PMM2: variants seen among roughly 807,000 people sequenced by gnomAD.
The protein encoded by PMM2 is mannose-6-phosphate isomerase.
In PMM2, 35 loss-of-function variants were observed where a neutral mutation model predicts 33.2. The ratio of observed to expected loss-of-function variants is 1.06; its 90% CI spans 0.81 to 1.40. The LOEUF is 1.40. Among genes scored for constraint, PMM2 ranks in the 40% most tolerant of loss-of-function variants. The pLI, the probability that PMM2 is intolerant of heterozygous loss-of-function variation, is 0.00. For synonymous variants in PMM2, 153 were observed against 114.7 expected (o/e 1.33, Z -2.13); for missense variants, 386 against 306.0 (o/e 1.26, Z -1.95).
Position 8,806,339 on chromosome 16 carries a change from G to A in PMM2, c.279G>A (p.Glu93=), listed in dbSNP as rs781151708. ...AGAATATTCAAAGTCATCTGGGTGA[G>A]GCCCTAATCCAAGATTTAATCAACT... The part of the protein sequence containing the change: ...CRQNIQSHLG[E]ALIQDLINYC... The change falls in exon 4 of 8, where the codon GAG becomes GAA. Residue 93 remains glutamate, a synonymous_variant. Coordinates refer to ENST00000268261, the MANE Select transcript of PMM2 (RefSeq NM_000303.3). The A allele has an allele frequency of 3.1e-6, 5 of 1,608,624 alleles. No individual in the cohort carries two copies. The African/African-American group carries it at 6.7e-5, about 22-fold the overall frequency.
At chr16:8,847,267 C>T (rs536579976) in intron 7 of PMM2, among the ~76,000 whole-genome samples, 10 of 152,162 alleles carry the variant, frequency 6.6e-5, no homozygotes, top group East Asian at 1.9e-4. Context: ...CTGCCATCAC[C>T]GCTGATGTCG....
intron 7 of PMM2, among the ~76,000 whole-genome samples, chr16:8,818,145 G>A (rs1050070952): frequency 2.2e-4 from 34 of 152,120 alleles, no homozygotes; most frequent in African/African-American, 7.5e-4. Context: ...CTCGTGATCC[G>A]TCCGCCTCGG....
At chr16:8,801,957 A>G in intron 2 of PMM2, 47 bp downstream of exon 2, 1 of 1,308,840 alleles carries the variant, frequency 7.6e-7, no homozygotes, top group Non-Finnish European at 1.1e-6. Flanking sequence ...TTAACTTCTT[A>G]TGAGGATATT....
intron 1 of PMM2, among the ~76,000 whole-genome samples, chr16:8,800,360 C>CAAAAAAAAAAAAAAAAA (rs5815496): frequency 7.8e-6 from 1 of 128,402 alleles, no homozygotes; most frequent in Non-Finnish European, 1.7e-5. Flanking sequence ...GACTTCGTGT[C>CAAAAAAAAAAAAAAAAA]AAAAAAAAAA....
At chr16:8,825,278 A>G (rs2060760345) in intron 7 of PMM2, among the ~76,000 whole-genome samples, 2 of 151,664 alleles carry the variant, frequency 1.3e-5, no homozygotes, top group Admixed American at 1.3e-4. Context: ...TGATCCACCC[A>G]CCTCGGCCTC....
At chr16:8,847,675 C>T in intron 7 of PMM2, 49 bp from the exon 8 acceptor site, 2 of 1,402,762 alleles carry the variant, frequency 1.4e-6, no homozygotes, top group South Asian at 1.2e-5. Flanking sequence ...TCAGCAATGG[C>T]CCGGGACAGA....
At chr16:8,798,518 T>C (rs1166022652) in intron 1 of PMM2, among the ~76,000 whole-genome samples, 3 of 152,156 alleles carry the variant, frequency 2.0e-5, no homozygotes, top group Non-Finnish European at 4.4e-5. Flanking sequence ...TTCTTGAAAG[T>C]ATGTTGGACA....
intron 4 of PMM2, 38 bp from the exon 5 acceptor site, chr16:8,811,041 G>C: frequency 8.1e-7 from 1 of 1,231,872 alleles, no homozygotes; most frequent in Non-Finnish European, 1.2e-6. Flanking sequence ...AATGAATAAC[G>C]TGTTTTTGGA....
At chr16:8,802,053 C>G in intron 2 of PMM2, 143 bp downstream of exon 2, 1 of 654,124 alleles carries the variant, frequency 1.5e-6, no homozygotes, top group East Asian at 3.1e-5. Flanking sequence ...TTTTCTTGGC[C>G]TTTGCTTTTC....
Position 8,847,924 on chromosome 16 carries a change from G to A in PMM2, c.*99G>A. ...TCCCACACGTGCTCACCCACCCGCA[G>A]CCTAGGCAGGCTCTGCATGCTATGC... On this transcript the variant is annotated 3_prime_UTR_variant, in exon 8 of 8. Coordinates refer to ENST00000268261, the MANE Select transcript of PMM2 (RefSeq NM_000303.3). 4.8e-6 allele frequency: 4 copies of A among 834,082 alleles called. No homozygotes were observed. The highest frequency in any genetic ancestry group is 8.0e-6 in the Non-Finnish European group (4 of 501,088). 51.7% of individuals were successfully genotyped at this position (834,082 alleles called of 1,614,324 possible).
chr16:8,843,583 C>A (rs2172164), intron 7 of PMM2, among the ~76,000 whole-genome samples: 1 of 151,730 alleles, frequency 6.6e-6, no homozygotes, highest in Non-Finnish European at 1.5e-5. Flanking sequence ...AACGCCTGGC[C>A]GCTGCGGTTC....
chr16:8,804,710 TAAA>T, intron 2 of PMM2, 54 bp from the exon 3 acceptor site: 1 of 1,227,826 alleles, frequency 8.1e-7, no homozygotes, highest in South Asian at 1.2e-5. Context: ...AATCAAGGAG[TAAA>T]AACACAGGTT....
At chr16:8,826,518 A>G (rs1323496249) in intron 7 of PMM2, among the ~76,000 whole-genome samples, 9 of 152,246 alleles carry the variant, frequency 5.9e-5, no homozygotes, top group Admixed American at 5.9e-4. Context: ...ATGACCTTAA[A>G]GCATCCAGCA....
intron 7 of PMM2, among the ~76,000 whole-genome samples, chr16:8,827,699 A>T (rs2060777658): frequency 7.6e-6 from 1 of 131,970 alleles, no homozygotes; most frequent in African/African-American, 2.9e-5. Context: ...CCCAGCCCAC[A>T]AAGGCCTTTT....
At chr16:8,830,598 G>A (rs2060804083) in intron 7 of PMM2, among the ~76,000 whole-genome samples, 1 of 152,146 alleles carries the variant, frequency 6.6e-6, no homozygotes, top group African/African-American at 2.4e-5. Flanking sequence ...ACCTGTCTGG[G>A]TGGCGTCAAC....
intron 7 of PMM2, among the ~76,000 whole-genome samples, chr16:8,814,982 C>T (rs2060698800): frequency 6.6e-6 from 1 of 152,114 alleles, no homozygotes; most frequent in Non-Finnish European, 1.5e-5. Flanking sequence ...CAACAACTCT[C>T]CATCTCCCTC....
chr16:8,800,697 G>A (rs937894552), intron 1 of PMM2, among the ~76,000 whole-genome samples: 9 of 98,578 alleles, frequency 9.1e-5, no homozygotes, highest in African/African-American at 3.3e-4. Context: ...GTTTTGTTTT[G>A]TTTTGAGACG....
At chr16:8,801,961 G>T (rs1266691388) in intron 2 of PMM2, 51 bp downstream of exon 2, 6 of 1,271,934 alleles carry the variant, frequency 4.7e-6, no homozygotes, top group Admixed American at 1.8e-5. Context: ...CTTCTTATGA[G>T]GATATTGTTG....
At chr16:8,820,370 C>G (rs78472798) in intron 7 of PMM2, among the ~76,000 whole-genome samples, 1 of 112,612 alleles carries the variant, frequency 8.9e-6, no homozygotes, top group African/African-American at 4.4e-5. Flanking sequence ...TTTTTTTTTC[C>G]TGAGACAAGG....
Sources: allele counts gnomAD v4.1 joint callset (sites outside exome capture counted in the v4.1 genomes callset), GRCh38; gene constraint gnomAD v4.1.1; transcripts MANE v1.5; gene names NCBI Gene and HGNC (gene_info 2026-07-23, HGNC 2026-07-21).